The following NEBL variants were observed in gnomAD, a reference collection of about 807,000 sequenced individuals.
NEBL encodes the protein LIM and SH3 protein 2.
A neutral mutation model predicts 140.2 loss-of-function variants in NEBL; 122 were observed. The ratio of observed to expected loss-of-function variants is 0.87; its 90% CI spans 0.75 to 1.01. The LOEUF is 1.01. Among genes scored for constraint, NEBL ranks in the 50% least tolerant of loss-of-function variants. NEBL has a pLI of 0.00. For missense variants in NEBL, 1,365 were observed against 1,231.3 expected, an observed-to-expected ratio of 1.11 and a Z score of -1.62; for synonymous variants, 436 against 398.9, an observed-to-expected ratio of 1.09 and a Z score of -1.11.
chr10:20,814,880 A>T (rs1283695537), intron 22 of NEBL, among the ~76,000 whole-genome samples: 2 of 152,240 alleles, frequency 1.3e-5, no homozygotes, highest in African/African-American at 4.8e-5. Context: ...TACACACAGC[A>T]TCTCTGGACA....
chr10:21,188,461 A>T (rs1187667635), intron 3 of NEBL, among the ~76,000 whole-genome samples: 2 of 152,206 alleles, frequency 1.3e-5, no homozygotes, highest in Non-Finnish European at 2.9e-5. Context: ...TATATTTCCT[A>T]TACTAATTAT....
chr10:20,797,434 A>G (rs914884415), intron 26 of NEBL, among the ~76,000 whole-genome samples: 4 of 152,224 alleles, frequency 2.6e-5, no homozygotes, highest in African/African-American at 9.6e-5. Flanking sequence ...ATCCTAAGTG[A>G]CAAGCCACAC....
At chr10:21,110,413 T>C (rs1046708200) in intron 2 of NEBL, among the ~76,000 whole-genome samples, 3 of 152,190 alleles carry the variant, frequency 2.0e-5, no homozygotes, top group Admixed American at 6.5e-5. Context: ...ATGTAGAAGT[T>C]ATCAAATTTA....
intron 3 of NEBL, among the ~76,000 whole-genome samples, chr10:21,245,881 G>C (rs939789972): frequency 4.6e-5 from 7 of 152,184 alleles, no homozygotes; most frequent in Non-Finnish European, 1.0e-4. Context: ...ATCTTTAGTA[G>C]AGATGGGGTT....
At chr10:21,236,374 GTGT>G (rs1162048332) in intron 3 of NEBL, among the ~76,000 whole-genome samples, 1 of 138,598 alleles carries the variant, frequency 7.2e-6, no homozygotes, top group Non-Finnish European at 1.5e-5. Context: ...TTGAGACAGA[GTGT>G]TGTTCTGTTG....
intron 2 of NEBL, among the ~76,000 whole-genome samples, chr10:21,090,624 C>G (rs376328405): frequency 8.5e-5 from 13 of 152,152 alleles, no homozygotes; most frequent in East Asian, 5.8e-4. Context: ...TCACACTTAA[C>G]ACTTTTATTT....
At chr10:21,044,242 C>T (rs902831583) in intron 2 of NEBL, among the ~76,000 whole-genome samples, 2 of 151,678 alleles carry the variant, frequency 1.3e-5, no homozygotes. Flanking sequence ...ACCGAAAATA[C>T]AAAAATTAGC....
chr10:20,915,153 G>T (rs979661941), intron 4 of NEBL, among the ~76,000 whole-genome samples: 1 of 151,962 alleles, frequency 6.6e-6, no homozygotes, highest in African/African-American at 2.4e-5. Context: ...GACCAAGGAT[G>T]CAATGAATGA....
At chr10:21,017,977 C>A (rs1355262181) in intron 3 of NEBL, among the ~76,000 whole-genome samples, 3 of 152,128 alleles carry the variant, frequency 2.0e-5, no homozygotes, top group Admixed American at 6.6e-5. Context: ...TCCGCCACCA[C>A]TCCCAGCTAA....
chr10:20,993,411 A>G (rs1448690679), intron 3 of NEBL, among the ~76,000 whole-genome samples: 1 of 152,226 alleles, frequency 6.6e-6, no homozygotes, highest in Non-Finnish European at 1.5e-5. Flanking sequence ...ACATATGTAC[A>G]CATATTAGCT....
intron 4 of NEBL, among the ~76,000 whole-genome samples, chr10:20,955,211 T>A (rs772263725): frequency 1.2e-4 from 18 of 152,114 alleles, no homozygotes; most frequent in Non-Finnish European, 1.5e-5. Flanking sequence ...ATATAAAACA[T>A]AAATGGAAAG....
At chr10:20,940,547 C>G (rs1423007469) in intron 4 of NEBL, among the ~76,000 whole-genome samples, 1 of 143,048 alleles carries the variant, frequency 7.0e-6, no homozygotes, top group Non-Finnish European at 1.5e-5. Flanking sequence ...AGAGCAAACA[C>G]ATTCAAATGC....
At chr10:20,935,538 T>A (rs926187210) in intron 4 of NEBL, among the ~76,000 whole-genome samples, 1 of 152,180 alleles carries the variant, frequency 6.6e-6, no homozygotes, top group Non-Finnish European at 1.5e-5. Context: ...CTTTGGCAGA[T>A]CTCCTCCTTT....
intron 2 of NEBL, among the ~76,000 whole-genome samples, chr10:21,114,760 T>C (rs1564516149): frequency 6.6e-6 from 1 of 152,048 alleles, no homozygotes; most frequent in Non-Finnish European, 1.5e-5. Context: ...TTCCGTCCTT[T>C]AACTTTTACC....
chr10:20,930,312 G>C (rs770386024), intron 4 of NEBL, among the ~76,000 whole-genome samples: 2 of 151,896 alleles, frequency 1.3e-5, no homozygotes, highest in Non-Finnish European at 2.9e-5. Flanking sequence ...CGTTTTATTG[G>C]ATCTATCTCC....
chr10:20,817,412 C>G (rs552116624), intron 21 of NEBL, among the ~76,000 whole-genome samples, 188 bp downstream of exon 21: 1 of 152,142 alleles, frequency 6.6e-6, no homozygotes, highest in Non-Finnish European at 1.5e-5. Flanking sequence ...CACTGGGAAC[C>G]CTGAGGTGGG....
chr10:20,822,311 T>C lies in NEBL; in HGVS notation c.1962+897A>G, dbSNP rs1294562144. 3.9e-5 allele frequency among the ~76,000 whole-genome samples: 6 copies of C among 152,116 alleles called. No individual in the cohort carries two copies. In the East Asian group the frequency reaches 1.2e-3, roughly 29 times the overall value. Reference sequence around the variant, plus strand: ...ATTTCATGTTTAGTTTTGTCACTTGTTTTGTTTTGTAGACTAATATATATA... The same window carrying C: ...ATTTCATGTTTAGTTTTGTCACTTGCTTTGTTTTGTAGACTAATATATATA... On this transcript the variant is annotated intron_variant, in intron 19 of 27. Coordinates refer to ENST00000377122, the MANE Select transcript of NEBL (RefSeq NM_006393.3).
At chr10:20,975,893 A>G (rs1836773336) in intron 3 of NEBL, among the ~76,000 whole-genome samples, 1 of 152,052 alleles carries the variant, frequency 6.6e-6, no homozygotes, top group South Asian at 2.1e-4. Context: ...CAAGAAAAAC[A>G]AAAAGAAGGG....
At chr10:20,916,893 T>G (rs1193502265) in intron 4 of NEBL, among the ~76,000 whole-genome samples, 1 of 152,168 alleles carries the variant, frequency 6.6e-6, no homozygotes, top group Non-Finnish European at 1.5e-5. Flanking sequence ...GGGAAAAAAG[T>G]TAGACTTTTT....
Sources: allele counts gnomAD v4.1 joint callset (sites outside exome capture counted in the v4.1 genomes callset), GRCh38; gene constraint gnomAD v4.1.1; transcripts MANE v1.5; gene names NCBI Gene and HGNC (gene_info 2026-07-23, HGNC 2026-07-21).